The following PTPN1 variants were observed in gnomAD, a reference collection of about 807,000 sequenced individuals.
PTPN1 encodes the protein protein tyrosine phosphatase non-receptor type 1, also known as tyrosine-protein phosphatase non-receptor type 1.
Under a neutral mutation model 59.9 loss-of-function variants are expected in PTPN1, and 12 were observed. That is an observed-to-expected ratio of 0.20 (90% confidence interval 0.13 to 0.32). The LOEUF (loss-of-function observed/expected upper bound fraction) is 0.32, where lower values mean the gene tolerates loss of function less well. PTPN1 is among the 10% of genes least tolerant of loss of function. PTPN1 has a pLI of 1.00. For missense variants in PTPN1, 356 were observed against 549.2 expected (o/e 0.65, Z 3.52); for synonymous variants, 178 against 203.6 (o/e 0.87, Z 1.07).
At chr20:50,540,125 G>A (rs968276949) in intron 1 of PTPN1, among the ~76,000 whole-genome samples, 6 of 151,928 alleles carry the variant, frequency 3.9e-5, no homozygotes, top group South Asian at 2.1e-4. Context: ...GCGTGATCTC[G>A]GCTCACTGCA....
Position 50,582,929 on chromosome 20 carries a change from C to G in PTPN1, c.*214C>G. The stretch of plus-strand genomic sequence containing the variant: ...TTTTTGCCCCTTCCACTTTGAGTAC[C>G]AAATCCACAAGCCATTTTTTGAGGA... On this transcript the variant is annotated 3_prime_UTR_variant, in exon 10 of 10. Transcript: ENST00000371621. This position sits in a 1 kb window ranked among gnomAD's most constrained non-coding sequence, Gnocchi z 4.2. 1.7e-6 allele frequency: 1 copy of G among 605,510 alleles called. No individual in the cohort carries two copies. The highest frequency in any genetic ancestry group is 2.9e-6 in the Non-Finnish European group (1 of 339,094). 37.5% of individuals were successfully genotyped at this position (605,510 alleles called of 1,614,324 possible).
intron 1 of PTPN1, among the ~76,000 whole-genome samples, chr20:50,530,431 A>G (rs1462780929): frequency 6.6e-6 from 1 of 151,844 alleles, no homozygotes; most frequent in African/African-American, 2.4e-5. Flanking sequence ...ATCTTGGCTC[A>G]CTGCAGCCTC....
At chr20:50,514,915 C>T (rs944327308) in intron 1 of PTPN1, among the ~76,000 whole-genome samples, 2 of 152,122 alleles carry the variant, frequency 1.3e-5, no homozygotes, top group African/African-American at 4.8e-5. Flanking sequence ...TTGGTGATTC[C>T]CTCTGCCACA....
intron 1 of PTPN1, among the ~76,000 whole-genome samples, chr20:50,536,378 A>G (rs184554833): frequency 2.0e-5 from 3 of 152,366 alleles, no homozygotes; most frequent in East Asian, 1.9e-4. Flanking sequence ...CTCTTTTATA[A>G]TTATAAGAGG....
At chr20:50,530,855 A>T (rs2082597947) in intron 1 of PTPN1, among the ~76,000 whole-genome samples, 1 of 152,090 alleles carries the variant, frequency 6.6e-6, no homozygotes, top group East Asian at 1.9e-4. Context: ...CACTGTGCCC[A>T]GCTAATTGTT....
At chr20:50,536,059 T>G (rs2082623036) in intron 1 of PTPN1, among the ~76,000 whole-genome samples, 1 of 152,220 alleles carries the variant, frequency 6.6e-6, no homozygotes, top group Non-Finnish European at 1.5e-5. Flanking sequence ...AGGTTAATTT[T>G]GATTGTGTGC....
intron 1 of PTPN1, among the ~76,000 whole-genome samples, chr20:50,540,197 A>C (rs1238251952): frequency 2.0e-5 from 3 of 152,164 alleles, no homozygotes; most frequent in African/African-American, 7.2e-5. Context: ...CTGGGATTAC[A>C]GGCATGCGCC....
intron 1 of PTPN1, among the ~76,000 whole-genome samples, chr20:50,532,967 C>T (rs114161740): frequency 0.01 from 1,532 of 151,694 alleles, 34 homozygotes; most frequent in African/African-American, 0.035. Context: ...CTTCATTATC[C>T]CCTTTTGTTT....
At chr20:50,543,344 T>A (rs573080592) in intron 1 of PTPN1, among the ~76,000 whole-genome samples, 1 of 152,382 alleles carries the variant, frequency 6.6e-6, no homozygotes, top group Non-Finnish European at 1.5e-5. Context: ...TTTGATATCT[T>A]GTGTTCCTCT....
intron 1 of PTPN1, among the ~76,000 whole-genome samples, chr20:50,551,057 T>A (rs759612815): frequency 2.6e-5 from 4 of 152,200 alleles, no homozygotes; most frequent in Non-Finnish European, 5.9e-5. Flanking sequence ...AGTTTGACTT[T>A]TTGCCTAATT....
intron 5 of PTPN1, among the ~76,000 whole-genome samples, chr20:50,575,659 C>T (rs1188045261): frequency 1.3e-5 from 2 of 152,292 alleles, no homozygotes; most frequent in Non-Finnish European, 2.9e-5. Context: ...TGCGGTGGCT[C>T]ACGTCTTTAA....
At chr20:50,512,807 C>T (rs970040042) in intron 1 of PTPN1, among the ~76,000 whole-genome samples, 3 of 152,156 alleles carry the variant, frequency 2.0e-5, no homozygotes, top group African/African-American at 7.2e-5. Flanking sequence ...GTGTGTATCG[C>T]TTTACCAAAA....
intron 1 of PTPN1, among the ~76,000 whole-genome samples, chr20:50,515,966 G>A (rs1351917095): frequency 1.3e-5 from 2 of 152,282 alleles, no homozygotes; most frequent in East Asian, 3.9e-4. Context: ...GCCAGTAGAA[G>A]CTGATACCAC....
chr20:50,541,463 G>A (rs1221730057), intron 1 of PTPN1, among the ~76,000 whole-genome samples: 1 of 152,084 alleles, frequency 6.6e-6, no homozygotes, highest in Non-Finnish European at 1.5e-5. Flanking sequence ...TGAGATGTAC[G>A]GGACAGCTCT....
At chr20:50,520,830 T>C (rs772123666) in intron 1 of PTPN1, among the ~76,000 whole-genome samples, 4 of 152,190 alleles carry the variant, frequency 2.6e-5, no homozygotes, top group Admixed American at 6.5e-5. Flanking sequence ...CCTTTGACTG[T>C]TGTGGGATTT....
intron 6 of PTPN1, 139 bp downstream of exon 6, chr20:50,578,768 A>C: frequency 1.4e-6 from 1 of 725,766 alleles, no homozygotes; most frequent in Non-Finnish European, 2.2e-6. Flanking sequence ...GTTACTAATA[A>C]AGGCGTACCT....
chr20:50,526,417 C>G (rs2082575767), intron 1 of PTPN1, among the ~76,000 whole-genome samples: 1 of 152,000 alleles, frequency 6.6e-6, no homozygotes, highest in Admixed American at 6.6e-5. Context: ...GCAGCATTCC[C>G]TACTCCCCTT....
At chr20:50,531,804 C>G (rs983672280) in intron 1 of PTPN1, among the ~76,000 whole-genome samples, 1 of 152,200 alleles carries the variant, frequency 6.6e-6, no homozygotes, top group South Asian at 2.1e-4. Flanking sequence ...TCCCCATCCA[C>G]GGCCATACTC....
At chr20:50,511,083 C>A (rs2082505220) in intron 1 of PTPN1, among the ~76,000 whole-genome samples, 1 of 152,140 alleles carries the variant, frequency 6.6e-6, no homozygotes, top group Non-Finnish European at 1.5e-5. Flanking sequence ...AGATGACAGT[C>A]CCCTTTCCCC....
Sources: allele counts gnomAD v4.1 joint callset (sites outside exome capture counted in the v4.1 genomes callset), GRCh38; gene constraint gnomAD v4.1.1; non-coding constraint Gnocchi (gnomAD v3.1); transcripts MANE v1.5; gene names NCBI Gene and HGNC (gene_info 2026-07-23, HGNC 2026-07-21).